FAM222B: variants seen among roughly 807,000 people sequenced by gnomAD.
FAM222B encodes the protein family with sequence similarity 222 member B.
In FAM222B, 12 loss-of-function variants were observed where a neutral mutation model predicts 38.0. The observed-to-expected ratio is 0.32, with a 90% confidence interval of 0.20 to 0.51. The LOEUF (loss-of-function observed/expected upper bound fraction) is 0.51, where lower values mean the gene tolerates loss of function less well. Among genes scored for constraint, FAM222B ranks in the 20% least tolerant of loss-of-function variants. The probability of loss-of-function intolerance (pLI) is 0.97; values close to 1 mark genes in which losing one functional copy is unlikely to be tolerated. For missense variants in FAM222B, 716 were observed against 754.2 expected, an observed-to-expected ratio of 0.95 and a Z score of 0.59; for synonymous variants, 329 against 317.2, an observed-to-expected ratio of 1.04 and a Z score of -0.40.
chr17:28,820,806 T>A (rs59376744), intron 1 of FAM222B, among the ~76,000 whole-genome samples: 6,789 of 149,672 alleles, frequency 0.045, 234 homozygotes, highest in South Asian at 0.16. Context: ...GCTAATTTTT[T>A]AAAATATTTT....
At chr17:28,792,052 C>T (rs1361715727) in intron 1 of FAM222B, among the ~76,000 whole-genome samples, 1 of 151,450 alleles carries the variant, frequency 6.6e-6, no homozygotes, top group Admixed American at 6.6e-5. Context: ...TGGCTCACGC[C>T]TGTAATCCCA....
intron 1 of FAM222B, among the ~76,000 whole-genome samples, chr17:28,800,423 G>C (rs1204653975): frequency 6.6e-6 from 1 of 152,082 alleles, no homozygotes; most frequent in Non-Finnish European, 1.5e-5. Flanking sequence ...ATTTTAGAGA[G>C]CTATTAAAAT....
At chr17:28,851,054 G>A (rs1053508850) in intron 1 of FAM222B, among the ~76,000 whole-genome samples, 1 of 152,066 alleles carries the variant, frequency 6.6e-6, no homozygotes, top group East Asian at 1.9e-4. Flanking sequence ...AGGAGGTGGA[G>A]GTTGCAGTGA....
chr17:28,832,590 G>A (rs901591885), intron 1 of FAM222B, among the ~76,000 whole-genome samples: 3 of 151,984 alleles, frequency 2.0e-5, no homozygotes, highest in Non-Finnish European at 2.9e-5. Context: ...ATGGGTTAAG[G>A]GTTAACATAT....
intron 1 of FAM222B, among the ~76,000 whole-genome samples, chr17:28,805,620 G>C (rs12951232): frequency 0.19 from 28,631 of 151,316 alleles, 2,832 homozygotes; most frequent in South Asian, 0.3. Flanking sequence ...CACTATATTC[G>C]AACCTGGATG....
intron 2 of FAM222B, among the ~76,000 whole-genome samples, chr17:28,765,018 A>G (rs916497950): frequency 6.6e-6 from 1 of 152,192 alleles, no homozygotes; most frequent in East Asian, 1.9e-4. Context: ...AGAGTATAAC[A>G]TAACACCTTC....
intron 1 of FAM222B, among the ~76,000 whole-genome samples, chr17:28,795,600 T>A (rs542539058): frequency 1.3e-3 from 198 of 152,230 alleles, no homozygotes; most frequent in African/African-American, 4.5e-3. Flanking sequence ...GCTAATTTTT[T>A]AAAATATTTT....
intron 2 of FAM222B, among the ~76,000 whole-genome samples, chr17:28,765,863 A>G (rs2035305311): frequency 6.6e-6 from 1 of 152,212 alleles, no homozygotes; most frequent in African/African-American, 2.4e-5. Context: ...CCTGTGAACT[A>G]AAGTCACACT....
intron 1 of FAM222B, among the ~76,000 whole-genome samples, chr17:28,797,090 C>G (rs952033847): frequency 1.3e-5 from 2 of 151,224 alleles, no homozygotes; most frequent in African/African-American, 4.9e-5. Context: ...GCAACCTTCC[C>G]CTCCTGGGCT....
chr17:28,804,048 T>C (rs1305931326), intron 1 of FAM222B, among the ~76,000 whole-genome samples: 1 of 151,966 alleles, frequency 6.6e-6, no homozygotes, highest in Non-Finnish European at 1.5e-5. Context: ...AGTTTACGTA[T>C]GACTTACTTG....
intron 1 of FAM222B, among the ~76,000 whole-genome samples, chr17:28,827,938 T>C (rs1228036398): frequency 6.6e-6 from 1 of 152,006 alleles, no homozygotes. Context: ...CTACTGTAAC[T>C]GTCAGAGTTA....
chr17:28,822,832 AATATATATATAT>A lies in FAM222B; in HGVS notation c.-41+19838_-41+19849del, dbSNP rs1254235399. Among the ~76,000 whole-genome samples the A allele has an allele frequency of 1.7e-3, 72 of 42,788 alleles. 1 individual carries two copies. The highest frequency in any genetic ancestry group is 3.2e-3 in the African/African-American group (27 of 8,550). The allele number at this position is 42,788 out of a possible 152,430, so 28.1% of individuals were successfully genotyped here. ...AAAAAAAAAAAAAAAAAAAAAAAAA[AATATATATATAT>A]ATATATATATATATATATATACACA... On this transcript the variant is annotated intron_variant, in intron 1 of 2. Coordinates refer to ENST00000581407, the MANE Select transcript of FAM222B (RefSeq NM_001077498.3).
intron 1 of FAM222B, among the ~76,000 whole-genome samples, chr17:28,795,663 T>A (rs1210070820): frequency 6.6e-6 from 1 of 151,938 alleles, no homozygotes; most frequent in African/African-American, 2.4e-5. Context: ...AACTCCTGGG[T>A]TTAAGCAATC....
chr17:28,801,550 A>G (rs1205582291), intron 1 of FAM222B, among the ~76,000 whole-genome samples: 1 of 151,362 alleles, frequency 6.6e-6, no homozygotes, highest in Non-Finnish European at 1.5e-5. Context: ...ATGTCTTCAT[A>G]ATAGTAAAAC....
intron 1 of FAM222B, among the ~76,000 whole-genome samples, chr17:28,850,749 A>G (rs1330218173): frequency 6.6e-6 from 1 of 151,984 alleles, no homozygotes; most frequent in Non-Finnish European, 1.5e-5. Flanking sequence ...TGTTTTCATC[A>G]TTGTGGTTCT....
intron 1 of FAM222B, among the ~76,000 whole-genome samples, chr17:28,849,757 G>A (rs531057947): frequency 1.3e-5 from 2 of 152,122 alleles, no homozygotes; most frequent in South Asian, 4.2e-4. Context: ...TTCCCTATAA[G>A]GGAAGAGAAA....
intron 1 of FAM222B, among the ~76,000 whole-genome samples, chr17:28,792,006 G>A (rs1567841099): frequency 6.7e-6 from 1 of 150,020 alleles, no homozygotes; most frequent in Non-Finnish European, 1.5e-5. Flanking sequence ...GTGAGACCAT[G>A]TCTAAAAAAA....
At chr17:28,781,120 G>A (rs919305357) in intron 1 of FAM222B, among the ~76,000 whole-genome samples, 3 of 152,084 alleles carry the variant, frequency 2.0e-5, no homozygotes, top group Admixed American at 6.6e-5. Context: ...GTAACTGTCA[G>A]AGAAATGCAA....
intron 1 of FAM222B, among the ~76,000 whole-genome samples, chr17:28,808,805 C>A (rs1410579443): frequency 1.3e-5 from 2 of 152,224 alleles, no homozygotes; most frequent in African/African-American, 2.4e-5. Flanking sequence ...TGACAATTGA[C>A]AGAGCATTCT....
Sources: allele counts gnomAD v4.1 joint callset (sites outside exome capture counted in the v4.1 genomes callset), GRCh38; gene constraint gnomAD v4.1.1; transcripts MANE v1.5; gene names NCBI Gene and HGNC (gene_info 2026-07-23, HGNC 2026-07-21).